DMD: variants seen among roughly 807,000 people sequenced by gnomAD.
DMD encodes the protein dystrophin.
In DMD, 63 loss-of-function variants were observed where a neutral mutation model predicts 330.1. The observed-to-expected ratio is 0.19, with a 90% CI of 0.16 to 0.24. The LOEUF (loss-of-function observed/expected upper bound fraction) is 0.24. DMD is among the 10% of genes least tolerant of loss of function. DMD has a pLI of 1.00. For missense variants in DMD, 3,344 were observed against 2,684.1 expected (o/e 1.25, Z -5.43); for synonymous variants, 1,223 against 959.8 (o/e 1.27, Z -5.07).
chrX:32,523,312 T>C (rs2046621596), intron 17 of DMD, among the ~76,000 whole-genome samples: 1 of 111,663 alleles, frequency 9.0e-6, no homozygotes, highest in Non-Finnish European at 1.9e-5. Context: ...AAGTGAGTCA[T>C]AGTAACCAGA....
chrX:32,717,508 C>T (rs772553822), intron 7 of DMD, among the ~76,000 whole-genome samples: 2 of 111,983 alleles, frequency 1.8e-5, no homozygotes, highest in African/African-American at 6.5e-5. Context: ...GAAACACCTG[C>T]ATGTCCAGGT....
At chrX:32,147,140 G>C (rs1011985475) in intron 44 of DMD, among the ~76,000 whole-genome samples, 1 of 111,554 alleles carries the variant, frequency 9.0e-6, no homozygotes. Flanking sequence ...GCAGATCCCA[G>C]CAATTATAAA....
intron 34 of DMD, among the ~76,000 whole-genome samples, chrX:32,379,040 T>TAAAA (rs5902029): frequency 1.0e-5 from 1 of 99,890 alleles, no homozygotes; most frequent in Non-Finnish European, 2.0e-5. Context: ...AATAAATTGG[T>TAAAA]AAAAAAAAAA....
At chrX:32,205,040 CA>C (rs2097060897) in intron 44 of DMD, among the ~76,000 whole-genome samples, 13 of 73,703 alleles carry the variant, frequency 1.8e-4, no homozygotes, top group Admixed American at 1.3e-3. Context: ...CACACACACA[CA>C]CCCACACACA....
chrX:32,159,545 A>G (rs1016449086), intron 44 of DMD, among the ~76,000 whole-genome samples: 5 of 111,843 alleles, frequency 4.5e-5, no homozygotes, highest in Non-Finnish European at 9.4e-5. Context: ...TTATGTCCTC[A>G]ATGCTTCATT....
At chrX:31,971,253 T>C (rs1324024062) in intron 44 of DMD, among the ~76,000 whole-genome samples, 1 of 112,255 alleles carries the variant, frequency 8.9e-6, no homozygotes, top group Non-Finnish European at 1.9e-5. Context: ...TGCTATAAAC[T>C]AATGCTGCAG....
chrX:32,484,118 G>A (rs5927995), intron 21 of DMD, among the ~76,000 whole-genome samples: 226 of 111,029 alleles, frequency 2.0e-3, no homozygotes, highest in Non-Finnish European at 3.5e-3. Context: ...CTTCAAACCC[G>A]ATTTTACTCA....
In DMD at chrX:32,492,680, G is replaced by C. The variant is rs1424646234; in HGVS notation, c.2381-1162C>G. Among the ~76,000 whole-genome samples, 6 of 112,285 alleles carry C rather than the reference G, an allele frequency of 5.3e-5. No homozygotes were observed. The South Asian group carries it at 1.5e-3, about 27-fold the overall frequency. ...AAAATATTCAAACTCTCTAAAGTTA[G>C]TTTACAAAATTTAGACTTTCTTAGA... On this transcript the variant is annotated intron_variant, in intron 19 of 78. Transcript: ENST00000357033.
At chrX:31,511,466 A>G (rs775407895) in intron 55 of DMD, among the ~76,000 whole-genome samples, 286 of 87,963 alleles carry the variant, frequency 3.3e-3, no homozygotes, top group Non-Finnish European at 5.5e-3. Context: ...ATATCTCCCA[A>G]TGCTATCCCT....
intron 5 of DMD, 28 bp from the exon 6 acceptor site, chrX:32,816,668 A>C: frequency 6.8e-6 from 8 of 1,180,602 alleles, no homozygotes; most frequent in Non-Finnish European, 8.1e-6. Context: ...TTTTCATAAG[A>C]AAATGCATTC....
intron 17 of DMD, among the ~76,000 whole-genome samples, chrX:32,537,599 C>T (rs777141957): frequency 9.0e-6 from 1 of 111,366 alleles, no homozygotes; most frequent in Non-Finnish European, 1.9e-5. Flanking sequence ...AATTAAGGAG[C>T]TCTCTGGCGA....
intron 9 of DMD, among the ~76,000 whole-genome samples, chrX:32,674,650 T>A (rs190777692): frequency 2.7e-5 from 3 of 111,204 alleles, no homozygotes; most frequent in Admixed American, 9.6e-5. Context: ...TCTAAGAGTT[T>A]CCAAGCAGAG....
chrX:31,228,249 A>C (rs1387281572), intron 63 of DMD, among the ~76,000 whole-genome samples: 2 of 95,664 alleles, frequency 2.1e-5, no homozygotes, highest in African/African-American at 8.6e-5. Context: ...TAAAACTTAA[A>C]GTATAATAAA....
chrX:32,075,878 G>A (rs2096341044), intron 44 of DMD, among the ~76,000 whole-genome samples: 1 of 106,828 alleles, frequency 9.4e-6, no homozygotes, highest in Non-Finnish European at 1.9e-5. Context: ...GTGAAACCCC[G>A]TCTCCACTAA....
At chrX:32,829,410 T>C (rs192226564) in intron 4 of DMD, among the ~76,000 whole-genome samples, 1 of 111,578 alleles carries the variant, frequency 9.0e-6, no homozygotes, top group East Asian at 2.8e-4. Flanking sequence ...TGCAAAATTG[T>C]TATAAAATTG....
At chrX:31,416,077 CATAG>C (rs955200788) in intron 60 of DMD, among the ~76,000 whole-genome samples, 1 of 112,097 alleles carries the variant, frequency 8.9e-6, no homozygotes, top group African/African-American at 3.2e-5. Context: ...AATATCTCAA[CATAG>C]ATAGTTGGAT....
intron 2 of DMD, among the ~76,000 whole-genome samples, chrX:32,943,090 T>A (rs937024379): frequency 3.6e-5 from 4 of 111,519 alleles, no homozygotes; most frequent in Admixed American, 1.9e-4. Context: ...ATTAGAGATA[T>A]AAACATGTTA....
At chrX:32,063,541 A>G (rs1408577978) in intron 44 of DMD, among the ~76,000 whole-genome samples, 1 of 111,347 alleles carries the variant, frequency 9.0e-6, no homozygotes, top group Non-Finnish European at 1.9e-5. Flanking sequence ...TCCACACTCC[A>G]AAAAGTCTAG....
intron 9 of DMD, among the ~76,000 whole-genome samples, chrX:32,666,874 C>A (rs1482598646): frequency 4.6e-5 from 5 of 107,901 alleles, no homozygotes; most frequent in African/African-American, 1.7e-4. Flanking sequence ...TTTTGTGAGG[C>A]AAGGAATTCA....
Sources: gnomAD v4.1 joint callset for allele counts (sites outside exome capture counted in the v4.1 genomes callset) on GRCh38, gnomAD v4.1.1 for gene constraint, MANE v1.5 for transcripts, NCBI Gene and HGNC (gene_info 2026-07-23, HGNC 2026-07-21) for gene names.